Variants in TEX2 observed in about 807,000 individuals in gnomAD.
The protein encoded by TEX2 is testis-expressed protein 2.
Under a neutral mutation model 106.9 loss-of-function variants are expected in TEX2, and 53 were observed. The observed-to-expected ratio is 0.50, with a 90% CI of 0.40 to 0.62. TEX2 has a LOEUF of 0.62. Among genes scored for constraint, TEX2 ranks in the 20% least tolerant of loss-of-function variants. TEX2 has a pLI of 0.00. For missense variants in TEX2, 1,207 were observed against 1,379.0 expected (o/e 0.88, Z 1.98); for synonymous variants, 523 against 534.8 (o/e 0.98, Z 0.30).
chr17:64,228,077 A>C (rs1356914874), intron 1 of TEX2, among the ~76,000 whole-genome samples: 4 of 152,184 alleles, frequency 2.6e-5, no homozygotes, highest in African/African-American at 9.6e-5. Context: ...TAAACCTTTG[A>C]CTGCCCTCTG....
At chr17:64,149,121 T>G (rs1291362032) in intron 11 of TEX2, 30 bp from the exon 12 acceptor site, 1 of 1,609,614 alleles carries the variant, frequency 6.2e-7, no homozygotes, top group Non-Finnish European at 8.5e-7. Context: ...AACAGCTATG[T>G]GGAAGAATGC....
At chr17:64,182,463 CT>C (rs2031916358) in intron 5 of TEX2, among the ~76,000 whole-genome samples, 1 of 152,050 alleles carries the variant, frequency 6.6e-6, no homozygotes, top group Non-Finnish European at 1.5e-5. Flanking sequence ...AGATGGCAAA[CT>C]TTATGTATTT....
chr17:64,227,318 GGTACTCATCAAGTAA>G lies in TEX2; in HGVS notation c.-25-13091_-25-13077del, dbSNP rs142046605. ...CAGGACAGGTATGTCCTAAACAGAT[GGTACTCATCAAGTAA>G]GTACTCATCAAGCTGACACCAATGT... is the stretch of plus-strand genomic sequence containing the variant. On this transcript the variant is annotated intron_variant, in intron 1 of 11. Coordinates refer to ENST00000584379, the MANE Select transcript of TEX2 (RefSeq NM_001288732.2). Among the ~76,000 whole-genome samples the G allele has an allele frequency of 9.0e-3, 1,365 of 151,298 alleles. 8 individuals carry two copies. Among genetic ancestry groups the G allele is most frequent in the Middle Eastern group, 0.031 (9 of 290 alleles).
intron 2 of TEX2, among the ~76,000 whole-genome samples, chr17:64,200,374 C>T (rs1318544667): frequency 6.6e-6 from 1 of 152,158 alleles, no homozygotes; most frequent in African/African-American, 2.4e-5. Context: ...CCCTGGATAA[C>T]AAGAGCAACC....
At position 64,148,815 on chromosome 17, in the gene TEX2, A is replaced by C. The variant is rs2030192017; in HGVS notation, c.*154T>G. ...CACTAGATGCAGGGAATGACACCTC[A>C]CAGTGGAATGGGCACTGGCAGGCAG... On this transcript the variant is annotated 3_prime_UTR_variant, in exon 12 of 12. Transcript: ENST00000584379. 1 of 881,342 alleles carries C rather than the reference A, an allele frequency of 1.1e-6. No individual in the cohort carries two copies. Among genetic ancestry groups the C allele is most frequent in the African/African-American group, 1.7e-5 (1 of 58,566 alleles). The allele number at this position is 881,342 out of a possible 1,614,324, so 54.6% of individuals were successfully genotyped here.
chr17:64,246,395 G>A (rs1026635099), intron 1 of TEX2, among the ~76,000 whole-genome samples: 15 of 152,050 alleles, frequency 9.9e-5, no homozygotes, highest in African/African-American at 2.4e-4. Context: ...ACAGGTGTGC[G>A]CCACCACAGC....
At chr17:64,247,891 G>A (rs922315665) in intron 1 of TEX2, among the ~76,000 whole-genome samples, 2 of 152,096 alleles carry the variant, frequency 1.3e-5, no homozygotes, top group Admixed American at 6.6e-5. Flanking sequence ...CCCTCCCCAA[G>A]ATTAAAAAAC....
At chr17:64,161,568 T>A (rs931288409) in intron 7 of TEX2, among the ~76,000 whole-genome samples, 1 of 152,196 alleles carries the variant, frequency 6.6e-6, no homozygotes. Context: ...TACAATTGCA[T>A]AATCACTTTG....
At chr17:64,181,671 C>T (rs969300742) in intron 5 of TEX2, among the ~76,000 whole-genome samples, 14 of 151,766 alleles carry the variant, frequency 9.2e-5, no homozygotes, top group African/African-American at 1.5e-4. Flanking sequence ...TTCACCACCA[C>T]GCCTGGCTAA....
intron 2 of TEX2, 62 bp downstream of exon 2, chr17:64,212,512 A>T (rs1475241377): frequency 4.1e-6 from 6 of 1,446,998 alleles, no homozygotes; most frequent in Admixed American, 2.1e-5. Flanking sequence ...AACAAGTCAG[A>T]TCTAAAATAC....
rs1369052581 is a variant in TEX2 at position 64,237,464 on chromosome 17, T to C, written c.-25-23222A>G. Among the ~76,000 whole-genome samples the C allele has an allele frequency of 2.6e-5, 4 of 152,082 alleles. No individual in the cohort carries two copies. The East Asian group carries it at 7.7e-4, about 29-fold the overall frequency. On this transcript the variant is annotated intron_variant, in intron 1 of 11. Coordinates refer to ENST00000584379, the MANE Select transcript of TEX2 (RefSeq NM_001288732.2). ...CCAGATGCGTATTTTGAAAAGCTTT[T>C]TCTGGCTGTAGTGTGGAAAATAAAC...
Position 64,194,929 on chromosome 17 carries a change from A to G in TEX2, c.1811T>C (p.Ile604Thr). Residue 604 changes from isoleucine (I) to threonine (T), a missense_variant, in exon 3 of 12, where the codon ATC becomes ACC. Physicochemically the swap from Ile to Thr is moderately conservative, Grantham distance 89. Transcript: ENST00000584379. ...YNEPKPEVTY[I>T]SQKIYDLSDS... ...TGAGAGGTCATAGATTTTCTGGCTG[A>G]TGTAGGTGACCTCTGGCTTGGGTTC... 1 of 1,614,142 alleles carries G rather than the reference A, an allele frequency of 6.2e-7. No homozygotes were observed. The highest frequency in any genetic ancestry group is 8.5e-7 in the Non-Finnish European group (1 of 1,179,994).
chr17:64,227,779 T>C (rs1019322870), intron 1 of TEX2, among the ~76,000 whole-genome samples: 24 of 152,310 alleles, frequency 1.6e-4, no homozygotes, highest in Middle Eastern at 6.8e-3. Context: ...AGCCTAAGCT[T>C]CTTTTCATCT....
chr17:64,256,416 T>C (rs557847045), intron 1 of TEX2, among the ~76,000 whole-genome samples: 39 of 152,294 alleles, frequency 2.6e-4, no homozygotes, highest in African/African-American at 9.4e-4. Context: ...TATGCTGCCT[T>C]GTGACATGTC....
chr17:64,262,772 G>A (rs1290800357), intron 1 of TEX2, among the ~76,000 whole-genome samples: 2 of 152,248 alleles, frequency 1.3e-5, no homozygotes, highest in African/African-American at 4.8e-5. Flanking sequence ...CGACTTTCAA[G>A]CATTTCGCGT....
chr17:64,213,485 G>T lies in TEX2; in HGVS notation c.733C>A (p.His245Asn). The T allele has an allele frequency of 1.9e-6, 3 of 1,614,168 alleles. No individual in the cohort carries two copies. The highest frequency in any genetic ancestry group is 2.5e-6 in the Non-Finnish European group (3 of 1,180,022). The part of the protein sequence containing the change: ...YKPPDSKLNL[H>N]LFKQFTQPRN... ...GGCTGTGTGAACTGCTTGAACAGGT[G>T]TAAGTTCAGTTTGGAATCAGGTGGC... Residue 245 changes from histidine (H) to asparagine (N), a missense_variant, in exon 2 of 12, where the codon CAC becomes AAC. His to Asn is a moderately conservative substitution (Grantham distance 68). This residue lies in a region of TEX2 where 1,067 missense variants were observed against 1,193.6 expected (regional missense o/e 0.89). Coordinates refer to ENST00000584379, the MANE Select transcript of TEX2 (RefSeq NM_001288732.2). The surrounding 1 kb of genome is among the most constrained non-coding windows in gnomAD (Gnocchi z 4.4).
chr17:64,203,024 C>CA (rs1555630276), intron 2 of TEX2, among the ~76,000 whole-genome samples: 1 of 152,188 alleles, frequency 6.6e-6, no homozygotes, highest in Non-Finnish European at 1.5e-5. Flanking sequence ...ATAAAGGGGC[C>CA]ATTTAATATT....
At chr17:64,210,896 G>A (rs1555631449) in intron 2 of TEX2, among the ~76,000 whole-genome samples, 2 of 151,898 alleles carry the variant, frequency 1.3e-5, no homozygotes, top group African/African-American at 2.4e-5. Context: ...GCAGAGAGGT[G>A]TCATGGGAAA....
At chr17:64,239,771 G>C (rs944305235) in intron 1 of TEX2, among the ~76,000 whole-genome samples, 16 of 149,164 alleles carry the variant, frequency 1.1e-4, no homozygotes, top group African/African-American at 3.9e-4. Context: ...TGCTACTCGA[G>C]AGGCTGAGGC....
Sources: allele counts gnomAD v4.1 joint callset (sites outside exome capture counted in the v4.1 genomes callset), GRCh38; gene constraint gnomAD v4.1.1; regional missense constraint gnomAD v4.1.1; non-coding constraint Gnocchi (gnomAD v3.1); transcripts MANE v1.5; gene names NCBI Gene and HGNC (gene_info 2026-07-23, HGNC 2026-07-21).